UPF2: variants seen among roughly 807,000 people sequenced by gnomAD.
UPF2 encodes regulator of nonsense transcripts 2.
A neutral mutation model predicts 141.4 loss-of-function variants in UPF2; 17 were observed. The observed-to-expected ratio is 0.12, with a 90% CI of 0.08 to 0.18. The LOEUF (loss-of-function observed/expected upper bound fraction) is 0.18, where lower values mean the gene tolerates loss of function less well. UPF2 is among the 10% of genes least tolerant of loss of function. The pLI is 1.00. For missense variants in UPF2, 1,152 were observed against 1,515.9 expected (o/e 0.76, Z 3.99); for synonymous variants, 540 against 498.0 (o/e 1.08, Z -1.12).
chr10:12,028,457 C>A (rs183368097), intron 3 of UPF2, among the ~76,000 whole-genome samples: 2 of 152,252 alleles, frequency 1.3e-5, no homozygotes, highest in East Asian at 3.9e-4. Flanking sequence ...AATTTTACCC[C>A]TTGATTATTA....
chr10:12,022,277 C>T (rs1020758072), intron 3 of UPF2, among the ~76,000 whole-genome samples: 7 of 149,440 alleles, frequency 4.7e-5, no homozygotes, highest in Non-Finnish European at 8.9e-5. Context: ...CCAGGCGTGG[C>T]GGCATGTGCC....
chr10:11,938,853 GTTTT>G (rs58106776), intron 18 of UPF2, among the ~76,000 whole-genome samples: 58 of 79,804 alleles, frequency 7.3e-4, no homozygotes, highest in African/African-American at 2.6e-3. Context: ...TTTTTTTTTT[GTTTT>G]TTTTTTTTTT....
In UPF2 at chr10:12,016,138, A is replaced by G. The variant is rs1206839627; in HGVS notation, c.1146-1954T>C. Among the ~76,000 whole-genome samples, 1 of 151,246 alleles carries G rather than the reference A, an allele frequency of 6.6e-6. No homozygotes were observed. The highest frequency in any genetic ancestry group is 2.4e-5 in the African/African-American group (1 of 41,362). On this transcript the variant is annotated intron_variant, in intron 3 of 21. Transcript: ENST00000357604. The surrounding 1 kb of genome is among the most constrained non-coding windows in gnomAD (Gnocchi z 4.1). ...TCATACCTATGAAAGACACAACATT[A>G]GCACTCTGAGCTTGTTAAAACTTTT...
rs754527369 is a variant in UPF2 at position 11,948,458 on chromosome 10, G to T, written c.3085C>A (p.Leu1029Ile). The T allele has an allele frequency of 1.2e-6, 2 of 1,613,026 alleles. No individual in the cohort carries two copies. Among genetic ancestry groups the T allele is most frequent in the Non-Finnish European group, 1.7e-6 (2 of 1,179,900 alleles). Reference sequence around the variant, plus strand: ...TCTTCTTCTTCTTCATCCTCTTCAAGATTTTCTCCTTCTGTCATAGAATCT... The same window carrying T: ...TCTTCTTCTTCTTCATCCTCTTCAATATTTTCTCCTTCTGTCATAGAATCT... ...SKDSMTEGEN[L>I]EEDEEEEEGG... The change falls in exon 16 of 22, where the codon CTT (leucine) becomes ATT (isoleucine). Residue 1029 changes from leucine (L) to isoleucine (I), a missense_variant. By Grantham distance (5) the Leu-to-Ile change is conservative (BLOSUM62 2). Coordinates refer to ENST00000357604, the MANE Select transcript of UPF2 (RefSeq NM_015542.4).
intron 2 of UPF2, among the ~76,000 whole-genome samples, chr10:12,031,798 A>T (rs1272886611): frequency 6.6e-6 from 1 of 152,114 alleles, no homozygotes. Flanking sequence ...CATATCTATA[A>T]ATCTCTAAAA....
At chr10:12,017,139 T>A (rs578215899) in intron 3 of UPF2, among the ~76,000 whole-genome samples, 1 of 152,174 alleles carries the variant, frequency 6.6e-6, no homozygotes, top group South Asian at 2.1e-4. Flanking sequence ...ACCGAAGAGT[T>A]TATTCTGAAG....
chr10:12,038,682 T>C (rs753984961), intron 1 of UPF2, among the ~76,000 whole-genome samples: 2 of 151,948 alleles, frequency 1.3e-5, no homozygotes, highest in Non-Finnish European at 2.9e-5. Flanking sequence ...TAAGCCGAGA[T>C]AGCGCCACTG....
intron 8 of UPF2, among the ~76,000 whole-genome samples, chr10:11,995,569 A>C (rs1248232601): frequency 6.6e-6 from 1 of 152,018 alleles, no homozygotes; most frequent in Non-Finnish European, 1.5e-5. Context: ...CGGATCACGA[A>C]GTCAGGAGCT....
chr10:11,937,311 T>C (rs568785699), intron 18 of UPF2, among the ~76,000 whole-genome samples: 47 of 152,300 alleles, frequency 3.1e-4, no homozygotes, highest in Non-Finnish European at 6.0e-4. Context: ...GATAGTAATG[T>C]TAAAAATACT....
intron 14 of UPF2, among the ~76,000 whole-genome samples, chr10:11,952,679 T>C (rs189329569): frequency 8.3e-4 from 126 of 152,118 alleles, no homozygotes; most frequent in African/African-American, 2.9e-3. Flanking sequence ...TTTCACTGTG[T>C]TAGCCAGGAT....
intron 11 of UPF2, among the ~76,000 whole-genome samples, chr10:11,963,425 C>A (rs936830931): frequency 6.6e-6 from 1 of 152,134 alleles, no homozygotes; most frequent in African/African-American, 2.4e-5. Context: ...CAGCCTTGAT[C>A]TCCCAAGTTC....
intron 18 of UPF2, among the ~76,000 whole-genome samples, chr10:11,938,734 T>C (rs936226892): frequency 3.3e-5 from 5 of 151,812 alleles, no homozygotes; most frequent in Admixed American, 3.3e-4. Flanking sequence ...ATTTTCTTCC[T>C]GGCCTGTCAT....
Position 12,035,161 on chromosome 10 carries a change from T to G in UPF2, c.263A>C (p.Lys88Thr). ...TTTCTTTTTTTCTTCCTCTTCTTTT[T>G]TCTTTGATTCTTCCTCTGCCTTCAC... ...EKVKAEEESK[K>T]KEEEEKKKHQ... The change falls in exon 2 of 22, where the codon AAA becomes ACA. Residue 88 changes from lysine to threonine, a missense_variant. This residue lies in a region of UPF2 where 145 missense variants were observed against 136.5 expected (regional missense o/e 1.06). Transcript: ENST00000357604. 3 of 1,606,396 alleles carry G rather than the reference T, an allele frequency of 1.9e-6. No homozygotes were observed. Among genetic ancestry groups the G allele is most frequent in the Non-Finnish European group, 8.5e-7 (1 of 1,178,564 alleles).
chr10:11,927,509 T>C (rs1459536548), intron 21 of UPF2, among the ~76,000 whole-genome samples: 1 of 152,252 alleles, frequency 6.6e-6, no homozygotes, highest in Non-Finnish European at 1.5e-5. Context: ...CACTGTGGCA[T>C]ATATTTAAAG....
rs1028610960 is a variant in UPF2 at position 11,956,809 on chromosome 10, G to C, written c.2371-286C>G. On this transcript the variant is annotated intron_variant, in intron 12 of 21. Transcript: ENST00000357604. This position sits in a 1 kb window ranked among gnomAD's most constrained non-coding sequence, Gnocchi z 4.2. The stretch of plus-strand genomic sequence containing the variant: ...GGTCATTAAAATAAATATCCAATCA[G>C]GAGTTTGGAGTAGGTTTCTTTTTCC... Among the ~76,000 whole-genome samples, 7 of 151,904 alleles carry C rather than the reference G, an allele frequency of 4.6e-5. No individual in the cohort carries two copies. Among genetic ancestry groups the C allele is most frequent in the African/African-American group, 1.7e-4 (7 of 41,318 alleles).
Position 12,004,568 on chromosome 10 carries a change from C to G in UPF2, c.1466G>C (p.Ser489Thr). 1.9e-6 allele frequency: 3 copies of G among 1,613,350 alleles called. No homozygotes were observed. The highest frequency in any genetic ancestry group is 2.5e-6 in the Non-Finnish European group (3 of 1,179,728). The change falls in exon 5 of 22, where the codon AGT becomes ACT. Residue 489 changes from serine (S) to threonine (T), a missense_variant. Physicochemically the swap from Ser to Thr is moderately conservative, Grantham distance 58. This residue lies in a region of UPF2 where 739 missense variants were observed against 1,032.2 expected (regional missense o/e 0.72). Coordinates refer to ENST00000357604, the MANE Select transcript of UPF2 (RefSeq NM_015542.4). Reference sequence around the variant, plus strand: ...TTTGTTGGACTCTTTATTCTGACAACTTTTTTCATTGTCTTTAAACAAGAT... The same window carrying G: ...TTTGTTGGACTCTTTATTCTGACAAGTTTTTTCATTGTCTTTAAACAAGAT... ...PAILFKDNEK[S>T]CQNKESNKDD...
chr10:11,924,292 T>C (rs1832683603), intron 21 of UPF2, among the ~76,000 whole-genome samples: 1 of 152,080 alleles, frequency 6.6e-6, no homozygotes, highest in South Asian at 2.1e-4. Context: ...AGAAAAATAG[T>C]TTATGCCGGG....
intron 8 of UPF2, among the ~76,000 whole-genome samples, chr10:11,983,120 A>T (rs1437844068): frequency 1.3e-5 from 2 of 152,218 alleles, no homozygotes; most frequent in African/African-American, 4.8e-5. Context: ...TATCTCTGGT[A>T]ACTCACTCTT....
At chr10:11,986,659 T>G (rs1833696450) in intron 8 of UPF2, among the ~76,000 whole-genome samples, 9 of 152,184 alleles carry the variant, frequency 5.9e-5, no homozygotes. Flanking sequence ...TAGGAAACAC[T>G]AAAGCAGAAG....
Sources: gnomAD v4.1 joint callset for allele counts (sites outside exome capture counted in the v4.1 genomes callset) on GRCh38, gnomAD v4.1.1 for gene constraint, gnomAD v4.1.1 regional missense constraint, Gnocchi (gnomAD v3.1) non-coding constraint, MANE v1.5 for transcripts, NCBI Gene and HGNC (gene_info 2026-07-23, HGNC 2026-07-21) for gene names.